The following ST7 variants were observed in gnomAD, a reference collection of about 807,000 sequenced individuals.
The protein encoded by ST7 is suppressor of tumorigenicity 7 protein.
In ST7, 28 loss-of-function variants were observed where a neutral mutation model predicts 78.7. The ratio of observed to expected loss-of-function variants is 0.36; its 90% CI spans 0.26 to 0.49. The LOEUF is 0.49. Among genes scored for constraint, ST7 ranks in the 20% least tolerant of loss-of-function variants. The probability of loss-of-function intolerance (pLI) is 0.99; values close to 1 mark genes in which losing one functional copy is unlikely to be tolerated. For missense variants in ST7, 418 were observed against 696.0 expected, an observed-to-expected ratio of 0.60 and a Z score of 4.49; for synonymous variants, 247 against 249.6, an observed-to-expected ratio of 0.99 and a Z score of 0.10.
At chr7:117,110,099 C>T (rs553112192) in intron 2 of ST7, among the ~76,000 whole-genome samples, 1 of 152,260 alleles carries the variant, frequency 6.6e-6, no homozygotes, top group Admixed American at 6.5e-5. Flanking sequence ...ACATGGCAAT[C>T]TTTTAGCATA....
At chr7:116,992,136 G>A (rs1208615208) in intron 1 of ST7, among the ~76,000 whole-genome samples, 1 of 152,192 alleles carries the variant, frequency 6.6e-6, no homozygotes, top group Non-Finnish European at 1.5e-5. Flanking sequence ...GGTTCATGAT[G>A]CAAACTGTAG....
chr7:117,057,523 A>C (rs908443633), intron 1 of ST7, among the ~76,000 whole-genome samples: 1 of 152,184 alleles, frequency 6.6e-6, no homozygotes, highest in Non-Finnish European at 1.5e-5. Context: ...GCTTCTCCTA[A>C]TAAGAGATTG....
chr7:117,132,273 A>C (rs73211904), intron 6 of ST7, among the ~76,000 whole-genome samples: 2,982 of 151,954 alleles, frequency 0.02, 50 homozygotes, highest in Non-Finnish European at 0.029. Context: ...CTGACAGGGA[A>C]AATTTTCCAG....
At chr7:117,153,641 C>G (rs1584481347) in intron 9 of ST7, among the ~76,000 whole-genome samples, 1 of 152,146 alleles carries the variant, frequency 6.6e-6, no homozygotes, top group East Asian at 1.9e-4. Flanking sequence ...CTGAGCAATT[C>G]TTAGTCCAGT....
intron 14 of ST7, 34 bp from the exon 15 acceptor site, chr7:117,221,889 A>G: frequency 6.3e-7 from 1 of 1,584,968 alleles, no homozygotes; most frequent in Non-Finnish European, 8.6e-7. Context: ...AGTTTACTCC[A>G]GCCCTGATAT....
intron 13 of ST7, among the ~76,000 whole-genome samples, chr7:117,217,754 A>G (rs1439124746): frequency 2.0e-5 from 3 of 152,224 alleles, no homozygotes; most frequent in Admixed American, 1.3e-4. Flanking sequence ...GAAAATTGAT[A>G]ACATTTTTAC....
At chr7:117,077,848 T>C (rs552830799) in intron 1 of ST7, among the ~76,000 whole-genome samples, 44 of 149,338 alleles carry the variant, frequency 2.9e-4, no homozygotes, top group East Asian at 1.2e-3. Flanking sequence ...TTCTTTCTTT[T>C]TTTTTTTTTT....
At chr7:117,024,015 T>C (rs1006249838) in intron 1 of ST7, among the ~76,000 whole-genome samples, 2 of 152,124 alleles carry the variant, frequency 1.3e-5, no homozygotes, top group African/African-American at 2.4e-5. Context: ...AGTTTCACCA[T>C]GTTGGCCAGG....
chr7:117,133,194 G>T (rs1003640914), intron 6 of ST7, among the ~76,000 whole-genome samples: 5 of 151,732 alleles, frequency 3.3e-5, no homozygotes, highest in African/African-American at 1.2e-4. Flanking sequence ...TCTGTAGTTT[G>T]GGAAGTCTGC....
At chr7:117,148,631 A>C (rs1006429970) in intron 9 of ST7, among the ~76,000 whole-genome samples, 1 of 152,116 alleles carries the variant, frequency 6.6e-6, no homozygotes, top group African/African-American at 2.4e-5. Flanking sequence ...TATTCTTCTG[A>C]TATTCCCAAC....
rs567539021 is a variant in ST7 at position 117,197,915 on chromosome 7, T to G, written c.1254+6979T>G. On this transcript the variant is annotated intron_variant, in intron 12 of 15. Transcript: ENST00000323984. ...CCTGGCAACGTAGTGAGACCTAATCTCCACAAACAAACAAAAAAATTAGCT... is the reference window on the plus strand; with the variant it reads ...CCTGGCAACGTAGTGAGACCTAATCGCCACAAACAAACAAAAAAATTAGCT... Among the ~76,000 whole-genome samples the G allele has an allele frequency of 1.6e-3, 242 of 152,156 alleles. 2 individuals carry two copies. Among genetic ancestry groups the G allele is most frequent in the Non-Finnish European group, 3.0e-3 (203 of 67,992 alleles).
Position 116,953,655 on chromosome 7 carries a change from C to A in ST7, c.115C>A (p.Arg39=). Residue 39 remains arginine, a synonymous_variant, in exon 1 of 16, where the codon CGG becomes AGG. Coordinates refer to ENST00000323984, the MANE Select transcript of ST7 (RefSeq NM_001369598.1). ...CGTGCTATTCCTGGTCTACATCCTG[C>A]GGGTGCCTTTGAAAATCAACGACAA... ...FIVLFLVYIL[R]VPLKINDNLS... is the part of the protein sequence containing the mutation. 3 of 1,498,188 alleles carry A rather than the reference C, an allele frequency of 2.0e-6. No individual in the cohort carries two copies. The highest frequency in any genetic ancestry group is 2.3e-5 in the South Asian group (2 of 85,314). The allele number at this position is 1,498,188 out of a possible 1,614,324, so 92.8% of individuals were successfully genotyped here. A position where few individuals can be genotyped will look rare whatever the true frequency, so the allele number is the denominator to read the frequency against.
chr7:117,070,122 T>G (rs1188504346), intron 1 of ST7, among the ~76,000 whole-genome samples: 1 of 152,192 alleles, frequency 6.6e-6, no homozygotes, highest in Non-Finnish European at 1.5e-5. Flanking sequence ...GTCCTTTCTT[T>G]GAAATGGACC....
intron 10 of ST7, chr7:117,173,284 A>G (rs1808132583): frequency 6.6e-6 from 1 of 152,200 alleles, no homozygotes; most frequent in South Asian, 2.1e-4. Flanking sequence ...TGAGTTCAGC[A>G]GTTGTCAATA....
In ST7 at chr7:117,138,425, C is replaced by A; in HGVS notation, c.866-10C>A. 3 of 1,567,994 alleles carry A rather than the reference C, an allele frequency of 1.9e-6. No homozygotes were observed. Among genetic ancestry groups the A allele is most frequent in the African/African-American group, 1.4e-5 (1 of 73,394 alleles). Reference sequence around the variant, plus strand: ...TTTTAAATGTTGGTGTTTTATATCTCCCTCTTCAGGACGAGACACCAATGT... The same window carrying A: ...TTTTAAATGTTGGTGTTTTATATCTACCTCTTCAGGACGAGACACCAATGT... On this transcript the variant is annotated splice_polypyrimidine_tract_variant and intron_variant, in intron 8 of 15. Transcript: ENST00000323984.
rs1044168794 is a variant in ST7, at chr7:117,020,636, A to G, written c.151+66945A>G. The G allele has an allele frequency of 3.2e-6, 5 of 1,551,002 alleles. No individual in the cohort carries two copies. The Admixed American group carries it at 5.9e-5, about 18-fold the overall frequency. ...TTTGGCACTGAATCTTCATGTAAGTAAATGGATCCCACTTCTCTGCTATTT... is the reference window on the plus strand; with the variant it reads ...TTTGGCACTGAATCTTCATGTAAGTGAATGGATCCCACTTCTCTGCTATTT... On this transcript the variant is annotated intron_variant, in intron 1 of 15. Coordinates refer to ENST00000323984, the MANE Select transcript of ST7 (RefSeq NM_001369598.1).
chr7:117,170,143 A>G (rs1807880336), intron 9 of ST7, among the ~76,000 whole-genome samples: 1 of 152,186 alleles, frequency 6.6e-6, no homozygotes, highest in Non-Finnish European at 1.5e-5. Flanking sequence ...TGGCAAAGTT[A>G]CCGGTGACCT....
chr7:117,096,531 T>A (rs780345626), intron 1 of ST7, among the ~76,000 whole-genome samples: 40 of 152,256 alleles, frequency 2.6e-4, no homozygotes, highest in Non-Finnish European at 5.6e-4. Context: ...TTTTCAGTAA[T>A]ATTCCCGTGT....
At chr7:117,080,889 A>C (rs1799723629) in intron 1 of ST7, 1 of 152,194 alleles carries the variant, frequency 6.6e-6, no homozygotes, top group Non-Finnish European at 1.5e-5. Context: ...TGAGTTTTCT[A>C]TCCATTGATT....
Sources: gnomAD v4.1 joint callset for allele counts (sites outside exome capture counted in the v4.1 genomes callset) on GRCh38, gnomAD v4.1.1 for gene constraint, MANE v1.5 for transcripts, NCBI Gene and HGNC (gene_info 2026-07-23, HGNC 2026-07-21) for gene names.